USP32: variants seen among roughly 807,000 people sequenced by gnomAD.
USP32 encodes the protein ubiquitin carboxyl-terminal hydrolase 32.
In USP32, 59 loss-of-function variants were observed where a neutral mutation model predicts 204.8. That is an observed-to-expected ratio of 0.29 (90% CI 0.23 to 0.36). The LOEUF is 0.36. Among genes scored for constraint, USP32 ranks in the 10% least tolerant of loss-of-function variants. The pLI is 1.00. For missense variants in USP32, 1,160 were observed against 1,946.4 expected, an observed-to-expected ratio of 0.60 and a Z score of 7.60; for synonymous variants, 517 against 678.4, an observed-to-expected ratio of 0.76 and a Z score of 3.70.
At chr17:60,240,657 T>C (rs2085853607) in intron 11 of USP32, among the ~76,000 whole-genome samples, 1 of 152,180 alleles carries the variant, frequency 6.6e-6, no homozygotes, top group Non-Finnish European at 1.5e-5. Flanking sequence ...GGTGAAAGTT[T>C]ACGGGTCTTA....
chr17:60,309,872 C>T (rs1256361678), intron 2 of USP32, among the ~76,000 whole-genome samples: 20 of 151,884 alleles, frequency 1.3e-4, no homozygotes, highest in Admixed American at 1.1e-3. Flanking sequence ...GGTGAAACCC[C>T]GCCTCTACTA....
intron 1 of USP32, among the ~76,000 whole-genome samples, chr17:60,350,336 T>G (rs968800681): frequency 6.6e-6 from 1 of 152,228 alleles, no homozygotes. Context: ...TAGCCCAGGC[T>G]GGAGTGCAGT....
intron 1 of USP32, among the ~76,000 whole-genome samples, chr17:60,416,118 G>A (rs545324027): frequency 1.2e-4 from 19 of 152,228 alleles, no homozygotes; most frequent in Middle Eastern, 3.4e-3. Context: ...GATTACAGGT[G>A]TGACCCACTG....
intron 1 of USP32, among the ~76,000 whole-genome samples, chr17:60,383,175 G>C (rs2089674865): frequency 6.6e-6 from 1 of 150,808 alleles, no homozygotes; most frequent in Admixed American, 6.6e-5. Flanking sequence ...CAACCCAGGA[G>C]GTAGAGGTTG....
intron 11 of USP32, among the ~76,000 whole-genome samples, chr17:60,247,282 C>T (rs2086052930): frequency 6.6e-6 from 1 of 151,914 alleles, no homozygotes; most frequent in African/African-American, 2.4e-5. Context: ...CGGTTTCAAG[C>T]AGTTTTCCCA....
chr17:60,232,402 G>T (rs2085588857), intron 12 of USP32, among the ~76,000 whole-genome samples: 1 of 150,612 alleles, frequency 6.6e-6, no homozygotes, highest in African/African-American at 2.4e-5. Flanking sequence ...GGAACTCCTG[G>T]TCTCAAGTGA....
intron 4 of USP32, among the ~76,000 whole-genome samples, chr17:60,293,272 GA>G (rs2087332652): frequency 6.6e-6 from 1 of 152,116 alleles, no homozygotes. Flanking sequence ...ACAAAAATGA[GA>G]ATGTCTGCAT....
intron 1 of USP32, among the ~76,000 whole-genome samples, chr17:60,346,517 A>C (rs1343383411): frequency 6.6e-6 from 1 of 152,204 alleles, no homozygotes; most frequent in Non-Finnish European, 1.5e-5. Flanking sequence ...ATAGTTCATA[A>C]ACAGATGATA....
chr17:60,379,413 G>A (rs899110503), intron 1 of USP32, among the ~76,000 whole-genome samples: 1 of 151,936 alleles, frequency 6.6e-6, no homozygotes, highest in African/African-American at 2.4e-5. Context: ...CCAGATTTAG[G>A]GACTCAGGAT....
chr17:60,213,188 T>A (rs1023072190), intron 18 of USP32, among the ~76,000 whole-genome samples: 3 of 152,214 alleles, frequency 2.0e-5, no homozygotes, highest in Non-Finnish European at 2.9e-5. Flanking sequence ...TGTCAGTGAG[T>A]AGCCAATGTT....
chr17:60,281,310 G>A (rs957686543), intron 5 of USP32, among the ~76,000 whole-genome samples: 47 of 152,226 alleles, frequency 3.1e-4, no homozygotes, highest in Admixed American at 9.2e-4. Flanking sequence ...AGGCCGAGGC[G>A]GATGGATCAT....
intron 5 of USP32, among the ~76,000 whole-genome samples, chr17:60,279,902 G>GA (rs2086927824): frequency 1.3e-5 from 2 of 150,972 alleles, no homozygotes; most frequent in South Asian, 4.2e-4. Context: ...AATTAGGATA[G>GA]AAAAATACAA....
At chr17:60,284,296 C>T (rs1180036185) in intron 5 of USP32, among the ~76,000 whole-genome samples, 1 of 151,076 alleles carries the variant, frequency 6.6e-6, no homozygotes, top group African/African-American at 2.4e-5. Context: ...TCACTGCAAC[C>T]CCCGCCTCCC....
intron 1 of USP32, among the ~76,000 whole-genome samples, chr17:60,372,646 T>A (rs2089462379): frequency 6.7e-6 from 1 of 148,252 alleles, no homozygotes; most frequent in Non-Finnish European, 1.5e-5. Flanking sequence ...TTGAGACCAG[T>A]CTGGGTAACA....
intron 2 of USP32, among the ~76,000 whole-genome samples, chr17:60,338,660 G>A (rs184023534): frequency 6.6e-5 from 10 of 152,032 alleles, no homozygotes; most frequent in Non-Finnish European, 5.9e-5. Flanking sequence ...ACTTCAGGAG[G>A]TCGAGGATGC....
At chr17:60,331,811 TC>T (rs1489919861) in intron 2 of USP32, among the ~76,000 whole-genome samples, 2 of 148,422 alleles carry the variant, frequency 1.3e-5, no homozygotes, top group Non-Finnish European at 3.0e-5. Context: ...GGCTGGAGGA[TC>T]ACTTGAGCTT....
intron 13 of USP32, 24 bp downstream of exon 13, chr17:60,226,015 C>T (rs773805655): frequency 6.4e-7 from 1 of 1,566,800 alleles, no homozygotes; most frequent in Admixed American, 2.0e-5. Flanking sequence ...ACCAATAAAC[C>T]TCAGGGGAAT....
intron 2 of USP32, among the ~76,000 whole-genome samples, chr17:60,328,964 G>A (rs1290279837): frequency 3.9e-5 from 6 of 152,172 alleles, no homozygotes; most frequent in African/African-American, 1.4e-4. Context: ...AGTCTCCCTT[G>A]GAGGCATGAG....
At chr17:60,281,876 G>A (rs752288317) in intron 5 of USP32, among the ~76,000 whole-genome samples, 7 of 152,134 alleles carry the variant, frequency 4.6e-5, no homozygotes, top group Admixed American at 2.0e-4. Context: ...AATCTTTGCC[G>A]ACAGAGCCAG....
Sources: gnomAD v4.1 joint callset for allele counts (sites outside exome capture counted in the v4.1 genomes callset) on GRCh38, gnomAD v4.1.1 for gene constraint, MANE v1.5 for transcripts, NCBI Gene and HGNC (gene_info 2026-07-23, HGNC 2026-07-21) for gene names.